CLIP2: variants seen among roughly 807,000 people sequenced by gnomAD.
The protein encoded by CLIP2 is CAP-Gly domain containing linker protein 2, also known as CAP-Gly domain-containing linker protein 2.
In CLIP2, 41 loss-of-function variants were observed where a neutral mutation model predicts 111.7. The ratio of observed to expected loss-of-function variants is 0.37; its 90% confidence interval spans 0.29 to 0.48. The LOEUF (loss-of-function observed/expected upper bound fraction) is 0.48. CLIP2 is among the 20% of genes least tolerant of loss of function. The pLI is 0.99. For missense variants in CLIP2, 1,160 were observed against 1,422.1 expected (o/e 0.82, Z 2.96); for synonymous variants, 660 against 644.2 (o/e 1.02, Z -0.37).
chr7:74,316,183 C>T (rs1253242200), intron 1 of CLIP2, among the ~76,000 whole-genome samples: 2 of 152,064 alleles, frequency 1.3e-5, no homozygotes, highest in African/African-American at 4.8e-5. Flanking sequence ...GCTTCCAACT[C>T]CATCCATGTC....
In CLIP2 at chr7:74,388,974, T is replaced by C. The variant is rs1352152614; in HGVS notation, c.2564-129T>C. 4 of 1,134,290 alleles carry C rather than the reference T, an allele frequency of 3.5e-6. No homozygotes were observed. The African/African-American group carries it at 6.4e-5, about 18-fold the overall frequency. 70.3% of individuals were successfully genotyped at this position (1,134,290 alleles called of 1,614,324 possible). A position where few individuals can be genotyped will look rare whatever the true frequency, so the allele number is the denominator to read the frequency against. ...CAATCTCTAAAAAAACCGTCAAAAC[T>C]ATGCAGTGGGGTATGTCACCTTCAT... On this transcript the variant is annotated intron_variant, in intron 12 of 16. Coordinates refer to ENST00000223398, the MANE Select transcript of CLIP2 (RefSeq NM_003388.5).
intron 2 of CLIP2, among the ~76,000 whole-genome samples, chr7:74,329,672 C>T (rs1315673003): frequency 6.7e-6 from 1 of 148,890 alleles, no homozygotes; most frequent in East Asian, 2.0e-4. Flanking sequence ...TTTATCTGCC[C>T]CCAAACCACT....
At chr7:74,390,517 A>C (rs1554315721) in intron 13 of CLIP2, among the ~76,000 whole-genome samples, 1 of 151,516 alleles carries the variant, frequency 6.6e-6, no homozygotes, top group Non-Finnish European at 1.5e-5. Context: ...AAAAACACAA[A>C]ATTTAGCTGG....
chr7:74,372,409 G>A (rs1278037083), intron 8 of CLIP2, among the ~76,000 whole-genome samples: 4 of 148,892 alleles, frequency 2.7e-5, no homozygotes, highest in South Asian at 2.2e-4. Flanking sequence ...CCTTGGGGGG[G>A]GGGGGGAGTC....
At chr7:74,336,397 A>G (rs1264052371) in intron 2 of CLIP2, among the ~76,000 whole-genome samples, 1 of 152,056 alleles carries the variant, frequency 6.6e-6, no homozygotes, top group Non-Finnish European at 1.5e-5. Context: ...AAGGAAAAGA[A>G]GTTTAATGGA....
rs542919884 is a variant in CLIP2 at position 74,371,519 on chromosome 7, G to A, written c.1381-1413G>A. Among the ~76,000 whole-genome samples, 109 of 150,952 alleles carry A rather than the reference G, an allele frequency of 7.2e-4. 1 individual carries two copies. The highest frequency in any genetic ancestry group is 2.5e-3 in the African/African-American group (101 of 41,052). On this transcript the variant is annotated intron_variant, in intron 8 of 16. Transcript: ENST00000223398. ...GAACACACTGCCAGGAGGGAGGCGG[G>A]GGAGGGAGGGAGAGGAGAGAAAGAG...
At chr7:74,393,173 T>A (rs1178986545) in intron 13 of CLIP2, among the ~76,000 whole-genome samples, 1 of 151,284 alleles carries the variant, frequency 6.6e-6, no homozygotes, top group Admixed American at 6.6e-5. Context: ...GTAGCTGGGA[T>A]TACAGGCGCC....
intron 2 of CLIP2, among the ~76,000 whole-genome samples, chr7:74,333,712 G>C (rs969620822): frequency 2.0e-5 from 3 of 151,488 alleles, no homozygotes; most frequent in Non-Finnish European, 1.5e-5. Flanking sequence ...CAAACTCCTG[G>C]CCTCAAGCAA....
At chr7:74,373,451 T>C (rs1790693337) in intron 9 of CLIP2, among the ~76,000 whole-genome samples, 1 of 152,080 alleles carries the variant, frequency 6.6e-6, no homozygotes, top group Non-Finnish European at 1.5e-5. Flanking sequence ...TGAGCTGAGA[T>C]CGTGCCACTG....
chr7:74,372,341 G>A (rs1285184715), intron 8 of CLIP2, among the ~76,000 whole-genome samples: 2 of 148,850 alleles, frequency 1.3e-5, no homozygotes, highest in Non-Finnish European at 3.0e-5. Context: ...ATCGTGAGGG[G>A]TCGGGTATAT....
At chr7:74,326,620 C>A (rs1789114330) in intron 2 of CLIP2, among the ~76,000 whole-genome samples, 1 of 150,946 alleles carries the variant, frequency 6.6e-6, no homozygotes, top group Admixed American at 6.6e-5. Flanking sequence ...AGTACACACA[C>A]AGGGCTGGGC....
At chr7:74,396,978 G>T in intron 13 of CLIP2, 96 bp from the exon 14 acceptor site, 1 of 1,471,502 alleles carries the variant, frequency 6.8e-7, no homozygotes, top group Non-Finnish European at 9.2e-7. Context: ...TCCCCCACCA[G>T]TTGGTCAGCC....
intron 1 of CLIP2, among the ~76,000 whole-genome samples, chr7:74,301,759 C>T (rs1198634307): frequency 6.6e-6 from 1 of 151,392 alleles, no homozygotes; most frequent in Admixed American, 6.6e-5. Flanking sequence ...GTTGCTAAGA[C>T]TGGAGTGCGC....
chr7:74,344,418 G>T (rs960317214), intron 3 of CLIP2, among the ~76,000 whole-genome samples: 1 of 152,098 alleles, frequency 6.6e-6, no homozygotes, highest in African/African-American at 2.4e-5. Flanking sequence ...GTCTTGCTCT[G>T]TCACTCAGGA....
At position 74,362,481 on chromosome 7, in the gene CLIP2, G is replaced by A. The variant is rs544187463; in HGVS notation, c.1320-1774G>A. ...GGCCTACACATCTGGTTCCCATGGC[G>A]ATGTGCCTGACGCCAACAAACACAG... is the stretch of plus-strand genomic sequence containing the variant. On this transcript the variant is annotated intron_variant, in intron 7 of 16. Coordinates refer to ENST00000223398, the MANE Select transcript of CLIP2 (RefSeq NM_003388.5). Among the ~76,000 whole-genome samples the A allele has an allele frequency of 4.7e-4, 72 of 151,590 alleles. 1 individual carries two copies. The South Asian group carries it at 0.014, about 29-fold the overall frequency.
chr7:74,382,737 C>T (rs1008092454), intron 11 of CLIP2, among the ~76,000 whole-genome samples: 4 of 151,590 alleles, frequency 2.6e-5, no homozygotes, highest in Non-Finnish European at 4.4e-5. Context: ...TGTCATTTGC[C>T]TTTTTACTTT....
At chr7:74,375,809 G>C in intron 9 of CLIP2, 78 bp from the exon 10 acceptor site, 1 of 1,258,554 alleles carries the variant, frequency 7.9e-7, no homozygotes, top group Non-Finnish European at 1.1e-6. Flanking sequence ...CCCCCTACCC[G>C]GCCCCCACCA....
At chr7:74,341,070 A>G (rs899750995) in intron 3 of CLIP2, among the ~76,000 whole-genome samples, 11 of 152,120 alleles carry the variant, frequency 7.2e-5, no homozygotes, top group African/African-American at 2.6e-4. Context: ...GCGAGAGGTA[A>G]TGTTTACACC....
At chr7:74,354,206 G>A (rs141983334) in intron 4 of CLIP2, among the ~76,000 whole-genome samples, 1 of 152,278 alleles carries the variant, frequency 6.6e-6, no homozygotes, top group African/African-American at 2.4e-5. Context: ...TGAGAGTATG[G>A]AGGCCAGGAG....
Sources: allele counts gnomAD v4.1 joint callset (sites outside exome capture counted in the v4.1 genomes callset), GRCh38; gene constraint gnomAD v4.1.1; transcripts MANE v1.5; gene names NCBI Gene and HGNC (gene_info 2026-07-23, HGNC 2026-07-21).